Variants in ALPK2 observed in about 807,000 individuals in gnomAD.
ALPK2 encodes the protein alpha-protein kinase 2.
In ALPK2, 127 loss-of-function variants were observed where a neutral mutation model predicts 163.1. That is an observed-to-expected ratio of 0.78 (90% CI 0.67 to 0.90). The LOEUF is 0.90. ALPK2 is among the 40% of genes least tolerant of loss of function. ALPK2 has a pLI of 0.00. For synonymous variants in ALPK2, 953 were observed against 959.1 expected (o/e 0.99, Z 0.12); for missense variants, 2,360 against 2,589.6 (o/e 0.91, Z 1.92).
At chr18:58,612,715 G>A (rs1384806246) in intron 1 of ALPK2, among the ~76,000 whole-genome samples, 3 of 152,212 alleles carry the variant, frequency 2.0e-5, no homozygotes, top group African/African-American at 7.2e-5. Context: ...AGGTTGGTCT[G>A]AATCCAGAGA....
chr18:58,572,370 A>G (rs1285454884), intron 4 of ALPK2, among the ~76,000 whole-genome samples: 1 of 152,220 alleles, frequency 6.6e-6, no homozygotes, highest in Non-Finnish European at 1.5e-5. Flanking sequence ...TGCAAGCCCC[A>G]TATGACTCAG....
rs1476549694 is a variant in ALPK2 at position 58,535,920 on chromosome 18, A to G, written c.4267T>C (p.Ser1423Pro). The change falls in exon 5 of 13, where the codon TCT becomes CCT. Residue 1423 changes from serine to proline, a missense_variant. Ser to Pro is a moderately conservative substitution (Grantham distance 74, BLOSUM62 -1). Coordinates refer to ENST00000361673, the MANE Select transcript of ALPK2 (RefSeq NM_052947.4). ...CTGGCGCCCTGTGGTGTGGTTTCAG[A>G]GGGCTCTGGTTTTCCAGCCCTGGTG... Reference protein sequence around the residue: ...EYTRAGKPEPSETTPQGAREG... With the variant: ...EYTRAGKPEPPETTPQGAREG... The G allele has an allele frequency of 6.2e-7, 1 of 1,614,130 alleles. No homozygotes were observed. Among genetic ancestry groups the G allele is most frequent in the South Asian group, 1.1e-5 (1 of 91,078 alleles).
chr18:58,600,027 C>CTTTTTTTTTTTTT (rs1166291584), intron 3 of ALPK2, among the ~76,000 whole-genome samples: 1 of 66,848 alleles, frequency 1.5e-5, no homozygotes, highest in African/African-American at 6.3e-5. Context: ...ATGGGGATAT[C>CTTTTTTTTTTTTT]TTTTTTTTTT....
At chr18:58,584,578 A>G (rs144992420) in intron 3 of ALPK2, among the ~76,000 whole-genome samples, 1 of 152,364 alleles carries the variant, frequency 6.6e-6, no homozygotes, top group East Asian at 1.9e-4. Context: ...TTCTGTCCTA[A>G]GTCTTCAATC....
At chr18:58,584,995 G>C (rs866037112) in intron 3 of ALPK2, among the ~76,000 whole-genome samples, 19 of 152,146 alleles carry the variant, frequency 1.2e-4, no homozygotes, top group African/African-American at 3.9e-4. Context: ...TTCTTTTGGC[G>C]GAGGGAAGCA....
chr18:58,608,743 G>C (rs1217620401), intron 2 of ALPK2, among the ~76,000 whole-genome samples: 2 of 152,090 alleles, frequency 1.3e-5, no homozygotes, highest in Non-Finnish European at 1.5e-5. Flanking sequence ...CTTGAGTCTA[G>C]GCATTTAAGA....
intron 3 of ALPK2, among the ~76,000 whole-genome samples, chr18:58,594,462 A>C (rs2052031467): frequency 6.6e-6 from 1 of 152,158 alleles, no homozygotes; most frequent in African/African-American, 2.4e-5. Flanking sequence ...CAATATACCA[A>C]AACAATCTTA....
intron 4 of ALPK2, among the ~76,000 whole-genome samples, chr18:58,565,302 C>T (rs1160052004): frequency 6.6e-6 from 1 of 152,084 alleles, no homozygotes; most frequent in Non-Finnish European, 1.5e-5. Context: ...TGGCTAATGC[C>T]CTTTTCAGTT....
At chr18:58,518,326 G>A (rs1046653235) in intron 8 of ALPK2, among the ~76,000 whole-genome samples, 1 of 152,174 alleles carries the variant, frequency 6.6e-6, no homozygotes, top group Non-Finnish European at 1.5e-5. Context: ...ATTGATTAAG[G>A]TCTCGGCCTA....
intron 8 of ALPK2, among the ~76,000 whole-genome samples, chr18:58,522,412 G>A (rs542523093): frequency 2.0e-5 from 3 of 152,314 alleles, no homozygotes; most frequent in East Asian, 1.9e-4. Context: ...GCGTAGGTGG[G>A]TGAGTAATTC....
At chr18:58,513,204 G>A (rs1449350912) in intron 10 of ALPK2, among the ~76,000 whole-genome samples, 2 of 149,728 alleles carry the variant, frequency 1.3e-5, no homozygotes, top group Non-Finnish European at 1.5e-5. Flanking sequence ...GTGTGTTTAT[G>A]TGTATGGTGA....
chr18:58,608,753 A>T (rs1300860913), intron 2 of ALPK2, among the ~76,000 whole-genome samples: 2 of 152,018 alleles, frequency 1.3e-5, no homozygotes, highest in Non-Finnish European at 1.5e-5. Context: ...GGCATTTAAG[A>T]CCAGTCTGGG....
At chr18:58,576,050 A>C (rs2051919995) in intron 4 of ALPK2, among the ~76,000 whole-genome samples, 2 of 152,210 alleles carry the variant, frequency 1.3e-5, no homozygotes, top group Admixed American at 6.5e-5. Flanking sequence ...AAAGGCACCT[A>C]AAGGTAAGTG....
At chr18:58,603,932 G>C (rs1417597533) in intron 3 of ALPK2, among the ~76,000 whole-genome samples, 1 of 152,056 alleles carries the variant, frequency 6.6e-6, no homozygotes, top group Admixed American at 6.6e-5. Flanking sequence ...CACTTGACCC[G>C]TGTTAATGTA....
intron 1 of ALPK2, among the ~76,000 whole-genome samples, chr18:58,617,819 G>C (rs4940732): frequency 6.6e-6 from 1 of 151,994 alleles, no homozygotes; most frequent in Non-Finnish European, 1.5e-5. Flanking sequence ...AACCCAATCC[G>C]TAAGGCTCTC....
At chr18:58,553,652 T>C (rs1372836175) in intron 4 of ALPK2, among the ~76,000 whole-genome samples, 2 of 151,966 alleles carry the variant, frequency 1.3e-5, no homozygotes, top group Admixed American at 6.6e-5. Flanking sequence ...ATCTGATGGT[T>C]TTCTAAGGGC....
At position 58,579,414 on chromosome 18, in the gene ALPK2, A is replaced by G. The variant is rs1179070444; in HGVS notation, c.1362T>C (p.Ala454=). Residue 454 remains alanine (A), a synonymous_variant, in exon 4 of 13, where the codon GCT becomes GCC. Transcript: ENST00000361673. ...GATAATCATTTTCAGCAGCCTCGGGAGCAGTGGGGAGTTTATATCTCCCCT... is the reference window on the plus strand; with the variant it reads ...GATAATCATTTTCAGCAGCCTCGGGGGCAGTGGGGAGTTTATATCTCCCCT... ...TEQGRYKLPT[A]PEAAENDYPG... is the part of the protein sequence containing the mutation. The G allele has an allele frequency of 1.1e-5, 17 of 1,613,900 alleles. No individual in the cohort carries two copies. Among genetic ancestry groups the G allele is most frequent in the African/African-American group, 2.7e-5 (2 of 74,868 alleles).
chr18:58,528,881 C>T, intron 6 of ALPK2: 1 of 590,000 alleles, frequency 1.7e-6, no homozygotes, highest in Non-Finnish European at 2.9e-6. Context: ...GAACTCAATT[C>T]TGGCAAAACC....
At chr18:58,554,175 C>T (rs9963597) in intron 4 of ALPK2, among the ~76,000 whole-genome samples, 6,793 of 152,178 alleles carry the variant, frequency 0.045, 555 homozygotes, top group African/African-American at 0.16. Context: ...CAGTTCTTTA[C>T]GGCAGTATGA....
Sources: gnomAD v4.1 joint callset for allele counts (sites outside exome capture counted in the v4.1 genomes callset) on GRCh38, gnomAD v4.1.1 for gene constraint, MANE v1.5 for transcripts, NCBI Gene and HGNC (gene_info 2026-07-23, HGNC 2026-07-21) for gene names.